The following ROR1 variants were observed in gnomAD, a reference collection of about 807,000 sequenced individuals.
ROR1 encodes the protein inactive tyrosine-protein kinase transmembrane receptor ROR1.
Under a neutral mutation model 78.8 loss-of-function variants are expected in ROR1, and 19 were observed. The observed-to-expected ratio is 0.24, with a 90% CI of 0.17 to 0.35. The LOEUF (loss-of-function observed/expected upper bound fraction) is 0.35. ROR1 is among the 10% of genes least tolerant of loss of function. The probability of loss-of-function intolerance (pLI) is 1.00; values close to 1 mark genes in which losing one functional copy is unlikely to be tolerated. For missense variants in ROR1, 917 were observed against 1,177.8 expected (o/e 0.78, Z 3.24); for synonymous variants, 386 against 433.6 (o/e 0.89, Z 1.36).
At chr1:63,942,861 CAGA>C (rs1645852077) in intron 1 of ROR1, among the ~76,000 whole-genome samples, 1 of 151,984 alleles carries the variant, frequency 6.6e-6, no homozygotes, top group African/African-American at 2.4e-5. Flanking sequence ...AAGCTGAGGC[CAGA>C]AGATCATATG....
chr1:64,023,899 A>G (rs1646586024), intron 2 of ROR1, among the ~76,000 whole-genome samples: 1 of 152,088 alleles, frequency 6.6e-6, no homozygotes, highest in Non-Finnish European at 1.5e-5. Context: ...CAAGGGAGGG[A>G]CATGGTAGGA....
At chr1:64,074,491 C>A (rs935317622) in intron 4 of ROR1, among the ~76,000 whole-genome samples, 1 of 152,058 alleles carries the variant, frequency 6.6e-6, no homozygotes, top group Non-Finnish European at 1.5e-5. Context: ...TTAGGTGAGA[C>A]CAAGAGAATG....
At chr1:63,814,317 A>G (rs145557963) in intron 1 of ROR1, among the ~76,000 whole-genome samples, 1 of 152,256 alleles carries the variant, frequency 6.6e-6, no homozygotes, top group Non-Finnish European at 1.5e-5. Context: ...GATTTGTTGC[A>G]TATCATTTCA....
At chr1:63,997,076 A>G (rs1646342824) in intron 1 of ROR1, among the ~76,000 whole-genome samples, 1 of 152,170 alleles carries the variant, frequency 6.6e-6, no homozygotes. Flanking sequence ...TGGAATCTTA[A>G]TAGCTTTCTC....
At chr1:64,001,380 C>T (rs1483510195) in intron 1 of ROR1, among the ~76,000 whole-genome samples, 1 of 152,166 alleles carries the variant, frequency 6.6e-6, no homozygotes, top group Non-Finnish European at 1.5e-5. Context: ...AGGGGTTGCA[C>T]ACAGGAAATC....
In ROR1 at chr1:63,774,998, A is replaced by G. The variant is rs1295086268; in HGVS notation, c.91+490A>G. On this transcript the variant is annotated intron_variant, in intron 1 of 8. Coordinates refer to ENST00000371079, the MANE Select transcript of ROR1 (RefSeq NM_005012.4). The surrounding 1 kb of genome is among the most constrained non-coding windows in gnomAD (Gnocchi z 5.7). ...AGGCGGCTCGCGGATCGACGCAAAC[A>G]AAAGCCCTGTCCTCCTGGGGCTCCG... Among the ~76,000 whole-genome samples, 4 of 151,990 alleles carry G rather than the reference A, an allele frequency of 2.6e-5. No individual in the cohort carries two copies. The highest frequency in any genetic ancestry group is 5.9e-5 in the Non-Finnish European group (4 of 67,990).
chr1:64,010,237 C>T (rs1395340721), intron 2 of ROR1, among the ~76,000 whole-genome samples: 3 of 115,734 alleles, frequency 2.6e-5, no homozygotes, highest in Non-Finnish European at 5.8e-5. Context: ...GCCTTTCCCT[C>T]TTTGAAACTC....
chr1:63,847,453 T>C (rs186370992), intron 1 of ROR1, among the ~76,000 whole-genome samples: 50 of 152,102 alleles, frequency 3.3e-4, no homozygotes, highest in African/African-American at 1.1e-3. Flanking sequence ...ATAAAGCCCC[T>C]TGGACAAGGG....
intron 1 of ROR1, among the ~76,000 whole-genome samples, chr1:63,946,993 C>A (rs1241004431): frequency 1.3e-5 from 2 of 152,156 alleles, no homozygotes; most frequent in African/African-American, 4.8e-5. Flanking sequence ...ATACCAAATC[C>A]TTCCTGCCAG....
At chr1:64,122,506 C>T (rs1014788862) in intron 4 of ROR1, among the ~76,000 whole-genome samples, 1 of 152,192 alleles carries the variant, frequency 6.6e-6, no homozygotes, top group Non-Finnish European at 1.5e-5. Flanking sequence ...ACTGGAAACC[C>T]TTAGGATGCA....
chr1:63,955,607 T>C (rs1645974720), intron 1 of ROR1, among the ~76,000 whole-genome samples: 1 of 152,182 alleles, frequency 6.6e-6, no homozygotes, highest in African/African-American at 2.4e-5. Flanking sequence ...TTTTTGTGTT[T>C]CTTTTCTTCT....
intron 4 of ROR1, among the ~76,000 whole-genome samples, chr1:64,103,456 T>A (rs147235733): frequency 4.5e-4 from 68 of 152,158 alleles, no homozygotes; most frequent in Non-Finnish European, 7.5e-4. Context: ...AAAGTTAATC[T>A]GCAGTAGAGG....
At chr1:63,979,318 C>A (rs1646189339) in intron 1 of ROR1, among the ~76,000 whole-genome samples, 1 of 152,112 alleles carries the variant, frequency 6.6e-6, no homozygotes, top group South Asian at 2.1e-4. Context: ...CAGAAGAGTT[C>A]AACTGAAAAG....
At chr1:63,985,651 C>A (rs35534992) in intron 1 of ROR1, among the ~76,000 whole-genome samples, 7,594 of 151,910 alleles carry the variant, frequency 0.05, 287 homozygotes, top group South Asian at 0.13. Context: ...GAGGCTGAGG[C>A]AGGAGAATCA....
At chr1:64,088,413 C>T (rs899552198) in intron 4 of ROR1, among the ~76,000 whole-genome samples, 5 of 152,056 alleles carry the variant, frequency 3.3e-5, no homozygotes, top group Admixed American at 6.6e-5. Flanking sequence ...CTAATTCTTC[C>T]ACAAATGTTT....
At chr1:64,106,907 A>C (rs1647840727) in intron 4 of ROR1, 1 of 152,266 alleles carries the variant, frequency 6.6e-6, no homozygotes, top group Admixed American at 6.6e-5. Context: ...TTATTCTGTA[A>C]ACCTGCCAGT....
intron 2 of ROR1, among the ~76,000 whole-genome samples, chr1:64,035,077 T>G (rs1027283398): frequency 6.6e-6 from 1 of 152,172 alleles, no homozygotes. Context: ...GTTTTTCAAA[T>G]CACATCTTTT....
intron 1 of ROR1, among the ~76,000 whole-genome samples, chr1:63,790,581 C>T (rs1027829002): frequency 6.6e-6 from 1 of 152,196 alleles, no homozygotes; most frequent in African/African-American, 2.4e-5. Flanking sequence ...CAGATTCTCC[C>T]TTACAATCCT....
At chr1:63,789,095 G>A (rs1264380548) in intron 1 of ROR1, 2 of 614,054 alleles carry the variant, frequency 3.3e-6, no homozygotes. Context: ...TGCCCTTCCG[G>A]TAGGCCAAGG....
Sources: gnomAD v4.1 joint callset for allele counts (sites outside exome capture counted in the v4.1 genomes callset) on GRCh38, gnomAD v4.1.1 for gene constraint, Gnocchi (gnomAD v3.1) non-coding constraint, MANE v1.5 for transcripts, NCBI Gene and HGNC (gene_info 2026-07-23, HGNC 2026-07-21) for gene names.